Variants in EDA observed in about 807,000 individuals in gnomAD.
EDA encodes the protein ectodysplasin-A.
In EDA, 2 loss-of-function variants were observed where a neutral mutation model predicts 23.6. The ratio of observed to expected loss-of-function variants is 0.08; its 90% CI spans 0.03 to 0.27. The LOEUF (loss-of-function observed/expected upper bound fraction) is 0.27, where lower values mean the gene tolerates loss of function less well. EDA is among the 10% of genes least tolerant of loss of function. The pLI is 1.00. For synonymous variants in EDA, 131 were observed against 132.0 expected (o/e 0.99, Z 0.05); for missense variants, 229 against 324.2 (o/e 0.71, Z 2.26).
intron 1 of EDA, among the ~76,000 whole-genome samples, chrX:69,643,065 A>G (rs1175672178): frequency 1.8e-5 from 2 of 111,700 alleles, no homozygotes; most frequent in African/African-American, 6.5e-5. Flanking sequence ...GAGGGAGCCA[A>G]GGAATGTAAT....
At chrX:69,956,599 C>T (rs958008668) in intron 1 of EDA, among the ~76,000 whole-genome samples, 1 of 111,052 alleles carries the variant, frequency 9.0e-6, no homozygotes, top group Non-Finnish European at 1.9e-5. Flanking sequence ...CCACCTCGGC[C>T]TCCCAAAGTG....
At chrX:69,936,935 T>C (rs1009576078) in intron 1 of EDA, among the ~76,000 whole-genome samples, 2 of 110,881 alleles carry the variant, frequency 1.8e-5, no homozygotes, top group Non-Finnish European at 3.8e-5. Flanking sequence ...ATGTGTTTTT[T>C]TGTTGTTGTT....
At position 69,616,717 on chromosome X, in the gene EDA, G is replaced by A. The variant is rs1314379432; in HGVS notation, c.396+13G>A. On this transcript the variant is annotated intron_variant, in intron 1 of 7. Coordinates refer to ENST00000374552, the MANE Select transcript of EDA (RefSeq NM_001399.5). ...GGACGGGCACCAGGTGAGTCACCTA[G>A]TAGGGGCGGCGGCGGCCCCCTCCCC... 1 of 1,211,574 alleles carries A rather than the reference G, an allele frequency of 8.3e-7. No individual in the cohort carries two copies. Among genetic ancestry groups the A allele is most frequent in the South Asian group, 1.8e-5 (1 of 56,990 alleles).
At chrX:70,032,994 G>T (rs1441938059) in intron 6 of EDA, among the ~76,000 whole-genome samples, 3 of 112,801 alleles carry the variant, frequency 2.7e-5, no homozygotes, top group Non-Finnish European at 5.6e-5. Flanking sequence ...CTCTGGCTGG[G>T]AAAGTAAAAT....
intron 1 of EDA, among the ~76,000 whole-genome samples, chrX:69,810,719 G>A: frequency 9.7e-6 from 1 of 102,722 alleles, no homozygotes; most frequent in East Asian, 3.1e-4. Flanking sequence ...TCACGCCATT[G>A]CACTCCAGCC....
At chrX:69,860,221 T>C (rs2017352962) in intron 1 of EDA, among the ~76,000 whole-genome samples, 1 of 111,520 alleles carries the variant, frequency 9.0e-6, no homozygotes. Flanking sequence ...GTTTGGCTCA[T>C]TTACATTTAA....
intron 1 of EDA, among the ~76,000 whole-genome samples, chrX:69,645,986 G>A (rs903387099): frequency 2.7e-5 from 3 of 110,849 alleles, no homozygotes; most frequent in Non-Finnish European, 3.8e-5. Flanking sequence ...CAATTTACAC[G>A]CAGTTTTGTG....
Position 70,035,765 on chromosome X carries a change from C to G in EDA, c.*156C>G, listed in dbSNP as rs775471412. 3.0e-3 allele frequency: 2,082 copies of G among 683,712 alleles called. 2 individuals carry two copies. Among genetic ancestry groups the G allele is most frequent in the Non-Finnish European group, 4.0e-3 (1,828 of 459,692 alleles). The allele number at this position is 683,712 out of a possible 1,213,427, so 56.3% of individuals were successfully genotyped here. On this transcript the variant is annotated 3_prime_UTR_variant, in exon 8 of 8. Transcript: ENST00000374552. ...TTATTCCCCAGTGACTCCAGGGTGA[C>G]AAGGCCTGCTTGACTTTCCAGAATG...
chrX:69,956,564 G>A (rs1007476299), intron 1 of EDA, among the ~76,000 whole-genome samples: 3 of 109,970 alleles, frequency 2.7e-5, no homozygotes, highest in African/African-American at 9.9e-5. Context: ...GGCTGGTTTC[G>A]AACTCCTGAC....
intron 1 of EDA, among the ~76,000 whole-genome samples, chrX:69,712,338 A>G (rs1299992376): frequency 6.3e-5 from 7 of 111,684 alleles, no homozygotes; most frequent in Non-Finnish European, 1.3e-4. Context: ...GTATATATAG[A>G]TGCAGTTCAT....
chrX:69,708,282 C>G (rs2011817911), intron 1 of EDA, among the ~76,000 whole-genome samples: 1 of 111,993 alleles, frequency 8.9e-6, no homozygotes, highest in Non-Finnish European at 1.9e-5. Context: ...TTGGTTACAG[C>G]TCTGCCTTTG....
At chrX:69,987,310 T>A (rs5980676) in intron 2 of EDA, among the ~76,000 whole-genome samples, 31,048 of 92,900 alleles carry the variant, frequency 0.33, 3,519 homozygotes, top group African/African-American at 0.38. Context: ...ATTTTTTTTT[T>A]TAAAAATAAA....
chrX:69,919,948 A>G (rs1224901559), intron 1 of EDA, among the ~76,000 whole-genome samples: 1 of 111,624 alleles, frequency 9.0e-6, no homozygotes, highest in Non-Finnish European at 1.9e-5. Flanking sequence ...TTGTGCTATC[A>G]TGACATTCCA....
chrX:69,956,361 T>A (rs76377709), intron 1 of EDA, among the ~76,000 whole-genome samples: 7 of 74,660 alleles, frequency 9.4e-5, no homozygotes, highest in African/African-American at 2.3e-4. Flanking sequence ...TTTTTTTTTT[T>A]ACAGAGTTTT....
At chrX:69,995,489 G>A (rs1343421342) in intron 2 of EDA, among the ~76,000 whole-genome samples, 2 of 111,664 alleles carry the variant, frequency 1.8e-5, no homozygotes, top group South Asian at 3.8e-4. Context: ...AATCTCAATT[G>A]GCTGTTTTTC....
chrX:69,992,948 A>G (rs775158713), intron 2 of EDA, among the ~76,000 whole-genome samples: 2 of 111,520 alleles, frequency 1.8e-5, no homozygotes, highest in Admixed American at 1.9e-4. Flanking sequence ...TCTCCAATTT[A>G]GGCCTTTAGT....
chrX:69,653,461 C>T (rs1933172467), intron 1 of EDA, among the ~76,000 whole-genome samples: 1 of 110,934 alleles, frequency 9.0e-6, no homozygotes, highest in Non-Finnish European at 1.9e-5. Context: ...ATTGAATACC[C>T]TTTATTTCCT....
chrX:69,987,310 T>TAA (rs2019513351), intron 2 of EDA, among the ~76,000 whole-genome samples: 3 of 92,977 alleles, frequency 3.2e-5, no homozygotes, highest in South Asian at 5.2e-4. Flanking sequence ...ATTTTTTTTT[T>TAA]TAAAAATAAA....
intron 1 of EDA, among the ~76,000 whole-genome samples, chrX:69,824,013 T>C (rs1421564877): frequency 1.2e-5 from 1 of 80,183 alleles, no homozygotes; most frequent in Admixed American, 1.4e-4. Flanking sequence ...GTTGTAGATA[T>C]GTGGCGTTAT....
Sources: allele counts gnomAD v4.1 joint callset (sites outside exome capture counted in the v4.1 genomes callset), GRCh38; gene constraint gnomAD v4.1.1; transcripts MANE v1.5; gene names NCBI Gene and HGNC (gene_info 2026-07-23, HGNC 2026-07-21).